NUP107: variants seen among roughly 807,000 people sequenced by gnomAD.
The protein encoded by NUP107 is nucleoporin 107, also known as nuclear pore complex protein Nup107.
NUP107 carries 101 observed loss-of-function variants against 141.0 expected under a neutral mutation model. The observed-to-expected ratio is 0.72, with a 90% confidence interval of 0.61 to 0.84. The LOEUF is 0.84. Among genes scored for constraint, NUP107 ranks in the 40% least tolerant of loss-of-function variants. The probability of loss-of-function intolerance (pLI) is 0.00; values close to 1 mark genes in which losing one functional copy is unlikely to be tolerated. For synonymous variants in NUP107, 319 were observed against 363.9 expected (o/e 0.88, Z 1.41); for missense variants, 941 against 1,102.7 (o/e 0.85, Z 2.08).
chr12:68,695,393 G>A (rs966733940), intron 5 of NUP107, among the ~76,000 whole-genome samples: 1 of 152,138 alleles, frequency 6.6e-6, no homozygotes, highest in Admixed American at 6.6e-5. Flanking sequence ...ATGAATGGGG[G>A]AAACAAAATG....
chr12:68,728,536 G>T (rs999990990), intron 20 of NUP107, among the ~76,000 whole-genome samples: 1 of 145,072 alleles, frequency 6.9e-6, no homozygotes, highest in Non-Finnish European at 1.5e-5. Flanking sequence ...CGGTTCTCCT[G>T]CCTCAGCCTC....
chr12:68,701,220 A>G (rs771541721), intron 7 of NUP107, among the ~76,000 whole-genome samples: 5 of 152,270 alleles, frequency 3.3e-5, no homozygotes, highest in Non-Finnish European at 7.3e-5. Flanking sequence ...CCTTGAATCT[A>G]GGAATTTTAT....
intron 20 of NUP107, among the ~76,000 whole-genome samples, chr12:68,729,894 C>G (rs1242616179): frequency 6.6e-6 from 1 of 150,762 alleles, no homozygotes; most frequent in Non-Finnish European, 1.5e-5. Context: ...CTCTTGGGTT[C>G]AAGCATGAAT....
intron 24 of NUP107, 136 bp downstream of exon 24, chr12:68,733,748 A>G: frequency 1.3e-6 from 1 of 751,170 alleles, no homozygotes; most frequent in Non-Finnish European, 2.1e-6. Context: ...TGACTCATCC[A>G]CAAGGGGACT....
chr12:68,696,643 G>A (rs922206721), intron 5 of NUP107, among the ~76,000 whole-genome samples, 176 bp from the exon 6 acceptor site: 1 of 152,146 alleles, frequency 6.6e-6, no homozygotes. Context: ...AACCTGGGAG[G>A]TGGAGGTTGC....
chr12:68,688,993 A>G lies in NUP107; in HGVS notation c.40A>G (p.Ile14Val). 6.2e-7 allele frequency: 1 copy of G among 1,613,830 alleles called. No homozygotes were observed. Among genetic ancestry groups the G allele is most frequent in the Non-Finnish European group, 8.5e-7 (1 of 1,179,800 alleles). Residue 14 changes from isoleucine to valine, a missense_variant, in exon 2 of 28, where the codon ATC (isoleucine) becomes GTC (valine). Transcript: ENST00000229179. ...SGFGEISSPVIREAEVTRTAR... is the reference protein window; with the variant it reads ...SGFGEISSPVVREAEVTRTAR... ...CTTTGGAGAGATATCATCCCCTGTA[A>G]TCCGGGAGGCAGAGGTGACACGGAC...
intron 8 of NUP107, chr12:68,706,154 G>A: frequency 1.3e-6 from 1 of 766,860 alleles, no homozygotes; most frequent in South Asian, 1.3e-5. Context: ...GCTGGTGGAG[G>A]ACTTCAAGAA....
intron 25 of NUP107, among the ~76,000 whole-genome samples, 178 bp from the exon 26 acceptor site, chr12:68,735,053 G>C (rs1024826388): frequency 2.6e-5 from 4 of 152,150 alleles, no homozygotes; most frequent in Admixed American, 2.0e-4. Flanking sequence ...CATTTACAAA[G>C]TTAACATTTT....
intron 11 of NUP107, among the ~76,000 whole-genome samples, 192 bp from the exon 12 acceptor site, chr12:68,715,435 G>A (rs1019752683): frequency 2.0e-5 from 3 of 152,114 alleles, no homozygotes; most frequent in African/African-American, 7.2e-5. Flanking sequence ...TGGAGGTTGT[G>A]GTGTGCTGAG....
At chr12:68,710,637 A>C (rs1876802532) in intron 10 of NUP107, among the ~76,000 whole-genome samples, 1 of 143,528 alleles carries the variant, frequency 7.0e-6, no homozygotes, top group Non-Finnish European at 1.5e-5. Flanking sequence ...CCTGGGCGAC[A>C]GAGCAGGCCG....
At chr12:68,702,325 A>T (rs1040129669) in intron 7 of NUP107, among the ~76,000 whole-genome samples, 1 of 151,836 alleles carries the variant, frequency 6.6e-6, no homozygotes. Flanking sequence ...GGGTTTCACT[A>T]TGTTGGCCAG....
intron 10 of NUP107, among the ~76,000 whole-genome samples, chr12:68,712,480 G>A (rs1431217817): frequency 6.8e-6 from 1 of 147,468 alleles, no homozygotes; most frequent in Non-Finnish European, 1.5e-5. Flanking sequence ...TCAGTAATAT[G>A]TGTACAAAGT....
Position 68,691,986 on chromosome 12 carries a change from A to G in NUP107, c.322A>G (p.Ser108Gly). 1 of 1,601,638 alleles carries G rather than the reference A, an allele frequency of 6.2e-7. No homozygotes were observed. The highest frequency in any genetic ancestry group is 8.5e-7 in the Non-Finnish European group (1 of 1,176,788). Residue 108 changes from serine to glycine, a missense_variant, in exon 5 of 28, where the codon AGT becomes GGT. Coordinates refer to ENST00000229179, the MANE Select transcript of NUP107 (RefSeq NM_020401.4). The part of the protein sequence containing the change: ...NLSMVTNLDD[S>G]NWAAAFSSQR... ...TTTTAAGGTTACTAATCTGGATGAC[A>G]GTAACTGGGCAGCTGCATTTTCATC...
intron 4 of NUP107, among the ~76,000 whole-genome samples, chr12:68,691,481 A>G (rs1875781919): frequency 6.6e-6 from 1 of 152,254 alleles, no homozygotes; most frequent in Non-Finnish European, 1.5e-5. Flanking sequence ...AGTATTAAAA[A>G]TAGCAAAAGA....
intron 12 of NUP107, among the ~76,000 whole-genome samples, 174 bp downstream of exon 12, chr12:68,715,914 G>A (rs952939153): frequency 6.6e-6 from 1 of 152,106 alleles, no homozygotes; most frequent in Non-Finnish European, 1.5e-5. Context: ...TGTAACTTGA[G>A]AAAACAATGT....
chr12:68,690,231 AAG>A (rs1875719756), intron 3 of NUP107, among the ~76,000 whole-genome samples: 2 of 151,776 alleles, frequency 1.3e-5, no homozygotes, highest in African/African-American at 4.8e-5. Flanking sequence ...ACAGAAAAAA[AAG>A]AGTATGTAAA....
chr12:68,735,244 T>C lies in NUP107; in HGVS notation c.2402T>C (p.Ile801Thr), dbSNP rs759563650. Residue 801 changes from isoleucine (I) to threonine (T), a missense_variant, in exon 26 of 28, where the codon ATT becomes ACT. Ile to Thr is a moderately conservative substitution (Grantham distance 89). Coordinates refer to ENST00000229179, the MANE Select transcript of NUP107 (RefSeq NM_020401.4). ...KEKKYEMDFG[I>T]WKGHLDALTA... Reference sequence around the variant, plus strand: ...TTTGTTTTGCAGATGGATTTTGGTATTTGGAAAGGGCATTTGGATGCCCTA... The same window carrying C: ...TTTGTTTTGCAGATGGATTTTGGTACTTGGAAAGGGCATTTGGATGCCCTA... The C allele has an allele frequency of 2.4e-5, 38 of 1,612,862 alleles. No homozygotes were observed. The highest frequency in any genetic ancestry group is 3.1e-5 in the Non-Finnish European group (37 of 1,178,956).
At chr12:68,726,404 A>G in intron 18 of NUP107, 95 bp from the exon 19 acceptor site, 1 of 747,062 alleles carries the variant, frequency 1.3e-6, no homozygotes, top group Non-Finnish European at 2.3e-6. Flanking sequence ...GTGACTTGAA[A>G]GCACTATAGG....
intron 7 of NUP107, among the ~76,000 whole-genome samples, chr12:68,701,767 A>G (rs1025004352): frequency 1.1e-4 from 17 of 152,316 alleles, no homozygotes; most frequent in South Asian, 2.1e-4. Context: ...ATATTGTTAT[A>G]TGAAAACTGG....
Sources: allele counts gnomAD v4.1 joint callset (sites outside exome capture counted in the v4.1 genomes callset), GRCh38; gene constraint gnomAD v4.1.1; transcripts MANE v1.5; gene names NCBI Gene and HGNC (gene_info 2026-07-23, HGNC 2026-07-21).